TUBGCP6: variants seen among roughly 807,000 people sequenced by gnomAD.
The protein encoded by TUBGCP6 is gamma-tubulin complex component 6.
A neutral mutation model predicts 175.8 loss-of-function variants in TUBGCP6; 161 were observed. That is an observed-to-expected ratio of 0.92 (90% CI 0.81 to 1.04). The LOEUF (loss-of-function observed/expected upper bound fraction) is 1.04. TUBGCP6 is among the 50% of genes least tolerant of loss of function. The probability of loss-of-function intolerance (pLI) is 0.00; values close to 1 mark genes in which losing one functional copy is unlikely to be tolerated. For missense variants in TUBGCP6, 2,572 were observed against 2,433.0 expected (o/e 1.06, Z -1.20); for synonymous variants, 1,173 against 1,030.5 (o/e 1.14, Z -2.65).
chr22:50,222,176 C>A, intron 14 of TUBGCP6, 74 bp from the exon 15 acceptor site: 1 of 1,487,698 alleles, frequency 6.7e-7, no homozygotes, highest in Non-Finnish European at 9.3e-7. Context: ...AAGCCACAGC[C>A]CCTACCGCCC....
intron 2 of TUBGCP6, among the ~76,000 whole-genome samples, chr22:50,234,089 C>T (rs2064729121): frequency 6.7e-6 from 1 of 149,188 alleles, no homozygotes; most frequent in Non-Finnish European, 1.5e-5. Context: ...TCATCCATAC[C>T]CCATCCATGG....
At chr22:50,239,697 G>A (rs553336086) in intron 2 of TUBGCP6, among the ~76,000 whole-genome samples, 66 of 152,268 alleles carry the variant, frequency 4.3e-4, no homozygotes, top group Non-Finnish European at 6.3e-4. Flanking sequence ...CTCCAGACAC[G>A]GACGGAAAAG....
intron 6 of TUBGCP6, 44 bp from the exon 7 acceptor site, chr22:50,226,886 C>A (rs757926392): frequency 1.9e-6 from 3 of 1,557,438 alleles, no homozygotes; most frequent in Middle Eastern, 1.7e-4. Context: ...GCGCACCCAG[C>A]GCTGGGAGTG....
At position 50,218,862 on chromosome 22, in the gene TUBGCP6, G is replaced by A. The variant is rs1288400880; in HGVS notation, c.4662C>T (p.Asn1554=). 3 of 1,613,494 alleles carry A rather than the reference G, an allele frequency of 1.9e-6. No homozygotes were observed. Among genetic ancestry groups the A allele is most frequent in the Non-Finnish European group, 8.5e-7 (1 of 1,179,772 alleles). Residue 1554 remains asparagine, a synonymous_variant, in exon 21 of 25, where the codon AAC becomes AAT. Transcript: ENST00000248846. ...TCAGCACAGAGTTCAGCACCAGCGG[G>A]TTGAGCAGCTCTCCGGGCGTTTGCC... ...GAGQTPGELL[N]PLVLNSVLSK...
chr22:50,225,692 G>T, intron 10 of TUBGCP6, 102 bp downstream of exon 10: 1 of 1,424,840 alleles, frequency 7.0e-7, no homozygotes. Context: ...CAGAAGGGAG[G>T]CCCCCATCTT....
intron 2 of TUBGCP6, among the ~76,000 whole-genome samples, chr22:50,237,116 T>G (rs2064786828): frequency 6.6e-6 from 1 of 152,200 alleles, no homozygotes; most frequent in South Asian, 2.1e-4. Context: ...TTCCAGGGTC[T>G]GAAAGGCCTC....
Position 50,221,869 on chromosome 22 carries a change from C to T in TUBGCP6, c.2490G>A (p.Thr830=), listed in dbSNP as rs146870875. The T allele has an allele frequency of 1.5e-5, 22 of 1,514,000 alleles. No homozygotes were observed. The highest frequency in any genetic ancestry group is 6.8e-5 in the East Asian group (3 of 43,938). 93.8% of individuals were successfully genotyped at this position (1,514,000 alleles called of 1,614,324 possible). The part of the protein sequence containing the change: ...DVLLSVHPQV[T]SPGPEHPEGG... Reference sequence around the variant, plus strand: ...CCTCTGGGTGCTCAGGGCCCGGAGACGTGACCTGAAACACAGGTGACATCA... The same window carrying T: ...CCTCTGGGTGCTCAGGGCCCGGAGATGTGACCTGAAACACAGGTGACATCA... Residue 830 remains threonine (T), a synonymous_variant, in exon 16 of 25, where the codon ACG becomes ACA. Coordinates refer to ENST00000248846, the MANE Select transcript of TUBGCP6 (RefSeq NM_020461.4).
chr22:50,222,485 C>G lies in TUBGCP6; in HGVS notation c.2378G>C (p.Arg793Pro). ...GTGTTTCTCATCTTCTAAGAGAAAA[C>G]GAAGCCGTGCACTCTCCAGTCGGTG... ...QRHRLESARL[R>P]FLLEDEKHIQ... Residue 793 changes from arginine to proline, a missense_variant, in exon 14 of 25, where the codon CGT becomes CCT. By Grantham distance (103) the Arg-to-Pro change is moderately radical. Transcript: ENST00000248846. 6.2e-7 allele frequency: 1 copy of G among 1,613,846 alleles called. No homozygotes were observed. The highest frequency in any genetic ancestry group is 1.1e-5 in the South Asian group (1 of 91,084).
chr22:50,220,598 T>TC lies in TUBGCP6; in HGVS notation c.3760dup (p.Glu1254GlyfsTer34), dbSNP rs1206491725. ...GGTGGAAACCACATCCGACACAGGCTCCCCCAAGCTGATGCTGGCGTCGGA... is the reference window on the plus strand; with the variant it reads ...GGTGGAAACCACATCCGACACAGGCTCCCCCCAAGCTGATGCTGGCGTCGGA... On this transcript the variant is annotated frameshift_variant, in exon 16 of 25. Coordinates refer to ENST00000248846, the MANE Select transcript of TUBGCP6 (RefSeq NM_020461.4). LOFTEE classifies it high-confidence loss of function. The TC allele has an allele frequency of 1.9e-6, 3 of 1,613,040 alleles. No individual in the cohort carries two copies. Among genetic ancestry groups the TC allele is most frequent in the Admixed American group, 1.7e-5 (1 of 59,888 alleles).
chr22:50,240,443 G>A (rs1292450697), intron 1 of TUBGCP6, 76 bp from the exon 2 acceptor site: 2 of 1,560,706 alleles, frequency 1.3e-6, no homozygotes, highest in East Asian at 2.3e-5. Context: ...AGAATTTCAG[G>A]AACTTTATGC....
intron 10 of TUBGCP6, among the ~76,000 whole-genome samples, chr22:50,225,582 C>CGTTGA: frequency 1.0e-5 from 1 of 98,098 alleles, no homozygotes; most frequent in Non-Finnish European, 2.3e-5. Context: ...CTCAGCTCCC[C>CGTTGA]CTTGGCACCC....
In TUBGCP6 at chr22:50,231,256, C is replaced by T. The variant is rs566664481; in HGVS notation, c.1117-1679G>A. On this transcript the variant is annotated intron_variant, in intron 3 of 24. Transcript: ENST00000248846. ...ATCACTTGAGGTCAGGAGTTTGAGA[C>T]CAGCCTGGTCAACATGGTGAAACCC... Among the ~76,000 whole-genome samples, 5 of 124,860 alleles carry T rather than the reference C, an allele frequency of 4.0e-5. No homozygotes were observed. The East Asian group carries it at 9.6e-4, about 24-fold the overall frequency. 81.9% of individuals were successfully genotyped at this position (124,860 alleles called of 152,430 possible).
Position 50,222,095 on chromosome 22 carries a change from A to G in TUBGCP6, c.2417T>C (p.Leu806Pro). ...LEDEKHIQEM[L>P]KAVSEAHQPQ... is the part of the protein sequence containing the mutation. ...CTGGTGAGCCTCAGACACTGCTTTC[A>G]GCATCTCCTGAAATTCAAGCCAGAG... Residue 806 changes from leucine (L) to proline (P), a missense_variant, in exon 15 of 25, where the codon CTG becomes CCG. Leu to Pro is a moderately conservative substitution (Grantham distance 98). Coordinates refer to ENST00000248846, the MANE Select transcript of TUBGCP6 (RefSeq NM_020461.4). 1 of 1,613,656 alleles carries G rather than the reference A, an allele frequency of 6.2e-7. No individual in the cohort carries two copies. The highest frequency in any genetic ancestry group is 8.5e-7 in the Non-Finnish European group (1 of 1,179,962).
intron 3 of TUBGCP6, among the ~76,000 whole-genome samples, chr22:50,233,025 C>G (rs542158377): frequency 6.6e-5 from 10 of 152,368 alleles, no homozygotes; most frequent in Non-Finnish European, 8.8e-5. Context: ...GCGCCTGGCA[C>G]TTCAGGACGG....
At chr22:50,220,183 C>G (rs1225494348) in intron 16 of TUBGCP6, 68 bp downstream of exon 16, 1 of 1,549,116 alleles carries the variant, frequency 6.5e-7, no homozygotes, top group Non-Finnish European at 8.8e-7. Flanking sequence ...AACCCCACTG[C>G]CCGCCTACCT....
chr22:50,228,576 T>A (rs1444894022), intron 4 of TUBGCP6, among the ~76,000 whole-genome samples: 1 of 152,104 alleles, frequency 6.6e-6, no homozygotes, highest in Non-Finnish European at 1.5e-5. Context: ...AGGAGCCGCC[T>A]GGCTATGCCT....
At chr22:50,219,933 A>G in intron 17 of TUBGCP6, 24 bp downstream of exon 17, 1 of 1,613,500 alleles carries the variant, frequency 6.2e-7, no homozygotes, top group Non-Finnish European at 8.5e-7. Context: ...CTGCTGTGGG[A>G]CCCCCAGGCT....
rs760660473 is a variant in TUBGCP6, at chr22:50,224,419, G to A, written c.2067C>T (p.Asp689=). ...AASRVLSALS[D]RQMSERMALD... is the part of the protein sequence containing the mutation. ...AGGCCATCCGTTCTGACATCTGCCG[G>A]TCTACATTGGGACAGTAAGGGGCGC... Residue 689 remains aspartate, a splice_region_variant and synonymous_variant, in exon 12 of 25, where the codon GAC becomes GAT. Transcript: ENST00000248846. The A allele has an allele frequency of 2.5e-6, 4 of 1,614,142 alleles. No homozygotes were observed. Among genetic ancestry groups the A allele is most frequent in the Middle Eastern group, 1.6e-4 (1 of 6,062 alleles).
chr22:50,233,313 C>T lies in TUBGCP6; in HGVS notation c.1116+3G>A, dbSNP rs372464886. On this transcript the variant is annotated splice_donor_region_variant and intron_variant, in intron 3 of 24. Transcript: ENST00000248846. Reference sequence around the variant, plus strand: ...ACTGTGGCGGGGAGTGAGCAGTTCTCACCTGGCAGAGCGAAAACGTGGCAG... The same window carrying T: ...ACTGTGGCGGGGAGTGAGCAGTTCTTACCTGGCAGAGCGAAAACGTGGCAG... 7 of 1,611,022 alleles carry T rather than the reference C, an allele frequency of 4.3e-6. 1 individual carries two copies. The African/African-American group carries it at 6.7e-5, about 15-fold the overall frequency.
Sources: allele counts gnomAD v4.1 joint callset (sites outside exome capture counted in the v4.1 genomes callset), GRCh38; gene constraint gnomAD v4.1.1; transcripts MANE v1.5; gene names NCBI Gene and HGNC (gene_info 2026-07-23, HGNC 2026-07-21).